Variants in THNSL1 observed in about 807,000 individuals in gnomAD.
THNSL1 encodes threonine synthase like 1.
Under a neutral mutation model 50.4 loss-of-function variants are expected in THNSL1, and 48 were observed. That is an observed-to-expected ratio of 0.95 (90% CI 0.76 to 1.21). The LOEUF (loss-of-function observed/expected upper bound fraction) is 1.21. Among genes scored for constraint, THNSL1 ranks in the 50% most tolerant of loss-of-function variants. The pLI is 0.00. For synonymous variants in THNSL1, 309 were observed against 306.1 expected (o/e 1.01, Z -0.10); for missense variants, 896 against 871.7 (o/e 1.03, Z -0.35).
Position 25,024,650 on chromosome 10 carries a change from T to C in THNSL1, c.1427T>C (p.Leu476Pro). Residue 476 changes from leucine to proline, a missense_variant, in exon 3 of 3, where the codon CTA becomes CCA. Transcript: ENST00000376356. Reference sequence around the variant, plus strand: ...GCTAACTCCATAAACTGGGGCCGACTACTTCCGCAGGTAGTTTATCATGCT... The same window carrying C: ...GCTAACTCCATAAACTGGGGCCGACCACTTCCGCAGGTAGTTTATCATGCT... ...SSANSINWGR[L>P]LPQVVYHASA... 6.2e-7 allele frequency: 1 copy of C among 1,614,258 alleles called. No homozygotes were observed. The highest frequency in any genetic ancestry group is 8.5e-7 in the Non-Finnish European group (1 of 1,180,046).
At chr10:24,955,833 G>C in the THNSL1 span, among the ~76,000 whole-genome samples, 1 of 152,070 alleles carries the variant, frequency 6.6e-6, no homozygotes, top group Non-Finnish European at 1.5e-5. Flanking sequence ...TGTAGACCTA[G>C]CTACTGGGGA....
the THNSL1 span, among the ~76,000 whole-genome samples, chr10:24,981,011 C>T: frequency 6.6e-6 from 1 of 152,246 alleles, no homozygotes; most frequent in Non-Finnish European, 1.5e-5. Flanking sequence ...TGAGCCACCG[C>T]ACCTGGCCCA....
At chr10:25,008,308 A>G in the THNSL1 span, among the ~76,000 whole-genome samples, 2 of 152,334 alleles carry the variant, frequency 1.3e-5, no homozygotes, top group Non-Finnish European at 2.9e-5. Context: ...AAAAAGGGTT[A>G]CTGTTTTCCT....
the THNSL1 span, among the ~76,000 whole-genome samples, chr10:24,963,904 C>G: frequency 6.6e-6 from 1 of 152,180 alleles, no homozygotes; most frequent in Non-Finnish European, 1.5e-5. Context: ...CTCTGTCATG[C>G]TGTCATTCTC....
upstream of THNSL1, chr10:25,016,186 C>T: frequency 5.1e-6 from 6 of 1,180,862 alleles, no homozygotes; most frequent in Non-Finnish European, 6.3e-6. Context: ...CGTTACTAGG[C>T]AACGAGGAAG....
the THNSL1 span, among the ~76,000 whole-genome samples, chr10:25,003,213 G>A: frequency 6.7e-6 from 1 of 149,382 alleles, no homozygotes; most frequent in Non-Finnish European, 1.5e-5. Flanking sequence ...TTTTTTGCCC[G>A]CTCTGTTGCC....
At chr10:24,962,594 G>A in the THNSL1 span, among the ~76,000 whole-genome samples, 2 of 152,188 alleles carry the variant, frequency 1.3e-5, no homozygotes, top group Non-Finnish European at 1.5e-5. Flanking sequence ...ATTAGAAGAA[G>A]TGTAACATAC....
At chr10:24,999,021 T>A in the THNSL1 span, among the ~76,000 whole-genome samples, 1 of 152,256 alleles carries the variant, frequency 6.6e-6, no homozygotes, top group East Asian at 1.9e-4. Flanking sequence ...GTAATTTTCA[T>A]CTCTTGGAGA....
chr10:24,993,300 CT>C, the THNSL1 span, among the ~76,000 whole-genome samples: 1 of 152,142 alleles, frequency 6.6e-6, no homozygotes, highest in South Asian at 2.1e-4. Context: ...ACTATTCACT[CT>C]TTGTTCTTTT....
chr10:24,952,425 GC>G, the THNSL1 span: 1 of 1,309,242 alleles, frequency 7.6e-7, no homozygotes, highest in South Asian at 1.3e-5. This position sits in a 1 kb window ranked among gnomAD's most constrained non-coding sequence, Gnocchi z 5.1. Context: ...CAAAGCGGTG[GC>G]CCTCTCTCTC....
the THNSL1 span, among the ~76,000 whole-genome samples, chr10:25,010,894 A>G: frequency 2.0e-5 from 3 of 151,542 alleles, no homozygotes; most frequent in Admixed American, 1.3e-4. Flanking sequence ...GAATAGTGCC[A>G]CAATAAACAT....
At chr10:24,954,018 C>T in the THNSL1 span, among the ~76,000 whole-genome samples, 79,054 of 151,938 alleles carry the variant, frequency 0.52, 23,029 homozygotes, top group African/African-American at 0.8. Context: ...ACATTTTCTC[C>T]TAGTAATTGT....
At chr10:24,957,133 C>A in the THNSL1 span, among the ~76,000 whole-genome samples, 3 of 152,154 alleles carry the variant, frequency 2.0e-5, no homozygotes, top group African/African-American at 7.2e-5. Flanking sequence ...ACCTACTAAC[C>A]AACTTCTCCT....
At chr10:25,002,132 C>T in the THNSL1 span, among the ~76,000 whole-genome samples, 1 of 152,130 alleles carries the variant, frequency 6.6e-6, no homozygotes, top group East Asian at 1.9e-4. Flanking sequence ...ACTACTGAGG[C>T]AATATACTTC....
At position 25,023,739 on chromosome 10, in the gene THNSL1, G is replaced by A. The variant is rs1564349516; in HGVS notation, c.516G>A (p.Arg172=). ...ICRLKLMKTD[R]IVGQNSGTSM... The stretch of plus-strand genomic sequence containing the variant: ...GTCTAAAATTAATGAAGACAGATAG[G>A]ATTGTAGGTCAGAATTCTGGAACAT... The change falls in exon 3 of 3, where the codon AGG becomes AGA. Residue 172 remains arginine (R), a synonymous_variant. Coordinates refer to ENST00000376356, the MANE Select transcript of THNSL1 (RefSeq NM_024838.5). The A allele has an allele frequency of 6.2e-7, 1 of 1,613,880 alleles. No individual in the cohort carries two copies.
chr10:25,013,829 C>T (rs553158006), upstream of THNSL1, among the ~76,000 whole-genome samples: 1 of 152,084 alleles, frequency 6.6e-6, no homozygotes, highest in Non-Finnish European at 1.5e-5. Flanking sequence ...GTAATCCCAG[C>T]TACTCGGGAG....
chr10:25,014,116 C>T (rs979695524), upstream of THNSL1, among the ~76,000 whole-genome samples: 1 of 152,150 alleles, frequency 6.6e-6, no homozygotes, highest in Non-Finnish European at 1.5e-5. Flanking sequence ...AAGTGCCTTT[C>T]ATCCGATTTT....
At position 25,025,535 on chromosome 10, in the gene THNSL1, A is replaced by G. The variant is rs1458635748; in HGVS notation, c.*80A>G. ...AAACACTGATTTGGAGTACAGTAGC[A>G]TTTTGTCTTTTATGTAAATATCTCT... On this transcript the variant is annotated 3_prime_UTR_variant, in exon 3 of 3. Transcript: ENST00000376356. 2 of 1,365,372 alleles carry G rather than the reference A, an allele frequency of 1.5e-6. No homozygotes were observed. The highest frequency in any genetic ancestry group is 2.0e-6 in the Non-Finnish European group (2 of 1,001,140). 84.6% of individuals were successfully genotyped at this position (1,365,372 alleles called of 1,614,324 possible). A position where few individuals can be genotyped will look rare whatever the true frequency, so the allele number is the denominator to read the frequency against.
chr10:24,952,530 C>A, the THNSL1 span: 1 of 1,586,846 alleles, frequency 6.3e-7, no homozygotes, highest in Admixed American at 1.8e-5. The surrounding 1 kb of genome is among the most constrained non-coding windows in gnomAD (Gnocchi z 5.1). Flanking sequence ...GCATTTACCA[C>A]GACGCCTCGC....
Sources: allele counts gnomAD v4.1 joint callset (sites outside exome capture counted in the v4.1 genomes callset), GRCh38; gene constraint gnomAD v4.1.1; non-coding constraint Gnocchi (gnomAD v3.1); transcripts MANE v1.5; gene names NCBI Gene and HGNC (gene_info 2026-07-23, HGNC 2026-07-21).